The following ZNF423 variants were observed in gnomAD, a reference collection of about 807,000 sequenced individuals.
ZNF423 encodes zinc finger protein 423, also known as Ebf-associated zinc finger protein.
Under a neutral mutation model 95.8 loss-of-function variants are expected in ZNF423, and 12 were observed. That is an observed-to-expected ratio of 0.13 (90% CI 0.08 to 0.20). ZNF423 has a LOEUF of 0.20. ZNF423 is among the 10% of genes least tolerant of loss of function. ZNF423 has a pLI of 1.00. For synonymous variants in ZNF423, 749 were observed against 711.9 expected, an observed-to-expected ratio of 1.05 and a Z score of -0.83; for missense variants, 1,316 against 1,737.1, an observed-to-expected ratio of 0.76 and a Z score of 4.31.
intron 1 of ZNF423, among the ~76,000 whole-genome samples, chr16:49,848,015 G>A (rs2035263380): frequency 6.6e-6 from 1 of 151,934 alleles, no homozygotes; most frequent in Non-Finnish European, 1.5e-5. Context: ...GAGGTGAGAG[G>A]ACTGCTTGAG....
At chr16:49,592,246 G>A (rs1031501553) in intron 5 of ZNF423, among the ~76,000 whole-genome samples, 1 of 152,204 alleles carries the variant, frequency 6.6e-6, no homozygotes, top group Non-Finnish European at 1.5e-5. Flanking sequence ...GTTTTCCCTG[G>A]GAGGTGAGAT....
intron 3 of ZNF423, among the ~76,000 whole-genome samples, chr16:49,645,123 T>G (rs1289961548): frequency 6.6e-6 from 1 of 152,206 alleles, no homozygotes; most frequent in Non-Finnish European, 1.5e-5. Flanking sequence ...CTCAACTGTT[T>G]CTTCAGAAAA....
chr16:49,554,040 G>A (rs913803998), intron 5 of ZNF423, among the ~76,000 whole-genome samples: 1 of 152,156 alleles, frequency 6.6e-6, no homozygotes, highest in Admixed American at 6.5e-5. Flanking sequence ...CCTTTGCTGG[G>A]CTTCATGGTC....
At position 49,584,378 on chromosome 16, in the gene ZNF423, CA is replaced by C. The variant is rs542022082; in HGVS notation, c.3601+41791del. Among the ~76,000 whole-genome samples the C allele has an allele frequency of 7.9e-5, 12 of 152,256 alleles. No homozygotes were observed. The East Asian group carries it at 2.3e-3, about 29-fold the overall frequency. On this transcript the variant is annotated intron_variant, in intron 5 of 7. Transcript: ENST00000563137. The stretch of plus-strand genomic sequence containing the variant: ...CGCTTAGGGCATCCTGTACTTTGTC[CA>C]AAAACTGTGTTTTTCAAGCTTTAAG...
At chr16:49,520,141 G>C (rs1325020716) in intron 7 of ZNF423, among the ~76,000 whole-genome samples, 2 of 152,082 alleles carry the variant, frequency 1.3e-5, no homozygotes, top group Admixed American at 1.3e-4. Flanking sequence ...AGACCCCGTG[G>C]GTATTTCTTC....
At chr16:49,837,170 C>A (rs1471582522) in intron 1 of ZNF423, among the ~76,000 whole-genome samples, 1 of 152,106 alleles carries the variant, frequency 6.6e-6, no homozygotes, top group Non-Finnish European at 1.5e-5. Flanking sequence ...CAGTAATGTA[C>A]AGAGGGGGCC....
chr16:49,652,687 C>A (rs1296428194), intron 3 of ZNF423, among the ~76,000 whole-genome samples: 1 of 152,226 alleles, frequency 6.6e-6, no homozygotes, highest in Non-Finnish European at 1.5e-5. Flanking sequence ...AAGCAAAATG[C>A]TTTCGGGGTT....
intron 3 of ZNF423, among the ~76,000 whole-genome samples, chr16:49,683,178 A>G (rs1235208182): frequency 3.3e-5 from 5 of 151,994 alleles, no homozygotes; most frequent in Admixed American, 6.5e-5. Context: ...CACTCAACAA[A>G]TACTCAGCTC....
intron 2 of ZNF423, among the ~76,000 whole-genome samples, chr16:49,775,495 G>T (rs2034105984): frequency 2.0e-5 from 3 of 152,120 alleles, no homozygotes; most frequent in African/African-American, 7.2e-5. Context: ...ACTTATTGGG[G>T]ACATGCTGTG....
chr16:49,858,726 C>CCA (rs1555491196), upstream of ZNF423, among the ~76,000 whole-genome samples: 2 of 143,718 alleles, frequency 1.4e-5, no homozygotes, highest in Non-Finnish European at 3.2e-5. The surrounding 1 kb of genome is among the most constrained non-coding windows in gnomAD (Gnocchi z 4.3). Flanking sequence ...AGCCCCCCCC[C>CCA]CCACGCCCCC....
At chr16:49,840,046 A>G (rs995409390) in intron 1 of ZNF423, among the ~76,000 whole-genome samples, 2 of 152,224 alleles carry the variant, frequency 1.3e-5, no homozygotes, top group African/African-American at 4.8e-5. Context: ...TGCCTGGTAC[A>G]TAGTAGGTTC....
At chr16:49,768,780 C>A (rs2033977113) in intron 2 of ZNF423, among the ~76,000 whole-genome samples, 1 of 152,096 alleles carries the variant, frequency 6.6e-6, no homozygotes, top group South Asian at 2.1e-4. Context: ...ACTCATGGCA[C>A]CCAAAACACA....
intron 2 of ZNF423, among the ~76,000 whole-genome samples, chr16:49,761,919 G>A (rs2033839389): frequency 6.6e-6 from 1 of 152,196 alleles, no homozygotes. Flanking sequence ...CTGGACTCAA[G>A]TGATCCTCCC....
intron 3 of ZNF423, among the ~76,000 whole-genome samples, chr16:49,714,812 C>G (rs2032654824): frequency 6.6e-6 from 1 of 151,978 alleles, no homozygotes; most frequent in Admixed American, 6.6e-5. Context: ...TGAACTGCCC[C>G]CTCCACTGAA....
Position 49,739,863 on chromosome 16 carries a change from AT to A in ZNF423, c.101-8893del, listed in dbSNP as rs930363987. On this transcript the variant is annotated intron_variant, in intron 2 of 7. Transcript: ENST00000563137. ...ACAGATGCACCATCAGACCCAGGTA[AT>A]TTTTTTTCCCCCAAGACAGAGTCTT... Among the ~76,000 whole-genome samples, 418 of 148,346 alleles carry A rather than the reference AT, an allele frequency of 2.8e-3. 3 individuals carry two copies. Among genetic ancestry groups the A allele is most frequent in the African/African-American group, 9.5e-3 (387 of 40,792 alleles).
At position 49,733,045 on chromosome 16, in the gene ZNF423, A is replaced by G. The variant is rs1378245150; in HGVS notation, c.101-2074T>C. 3.3e-5 allele frequency among the ~76,000 whole-genome samples: 5 copies of G among 152,246 alleles called. No homozygotes were observed. The East Asian group carries it at 9.6e-4, about 29-fold the overall frequency. ...GAAATCCCATTAAAAGTCAGGCAGC[A>G]TATTTATCTCAGGGAATCTGATCTG... On this transcript the variant is annotated intron_variant, in intron 2 of 7. Coordinates refer to ENST00000563137, the MANE Select transcript of ZNF423 (RefSeq NM_001379286.1).
chr16:49,638,923 G>A lies in ZNF423; in HGVS notation c.302-49C>T, dbSNP rs17195211. 53,931 of 1,541,870 alleles carry A rather than the reference G, an allele frequency of 0.035. 1,131 individuals carry two copies. Among genetic ancestry groups the A allele is most frequent in the Non-Finnish European group, 0.042 (47,591 of 1,142,494 alleles). ...ATTAGAGGCAATTCCCAGGGCTGCC[G>A]AGAAACAAGGACAGAGCCAGCTTCT... On this transcript the variant is annotated intron_variant, in intron 3 of 7. Transcript: ENST00000563137. The surrounding 1 kb of genome is among the most constrained non-coding windows in gnomAD (Gnocchi z 5.6).
Position 49,635,489 on chromosome 16 carries a change from G to T in ZNF423, c.3516+171C>A, listed in dbSNP as rs144654734. ...CCCATCACATGGCTGGAAAGGCAAT[G>T]GCAGTGCTGAGGTTCAAACTCAAGG... On this transcript the variant is annotated intron_variant, in intron 4 of 7. Transcript: ENST00000563137. The surrounding 1 kb of genome is among the most constrained non-coding windows in gnomAD (Gnocchi z 4.8). Among the ~76,000 whole-genome samples, 236 of 152,360 alleles carry T rather than the reference G, an allele frequency of 1.5e-3. 1 individual carries two copies. Among genetic ancestry groups the T allele is most frequent in the Non-Finnish European group, 2.9e-3 (200 of 68,040 alleles).
intron 3 of ZNF423, among the ~76,000 whole-genome samples, chr16:49,641,994 T>C (rs1972989397): frequency 6.6e-6 from 1 of 152,240 alleles, no homozygotes; most frequent in Admixed American, 6.5e-5. Flanking sequence ...GTGAATTTTA[T>C]GGTATGCAAA....
Sources: allele counts gnomAD v4.1 joint callset (sites outside exome capture counted in the v4.1 genomes callset), GRCh38; gene constraint gnomAD v4.1.1; non-coding constraint Gnocchi (gnomAD v3.1); transcripts MANE v1.5; gene names NCBI Gene and HGNC (gene_info 2026-07-23, HGNC 2026-07-21).